The following TMEM18 variants were observed in gnomAD, a reference collection of about 807,000 sequenced individuals.
TMEM18 encodes transmembrane protein 18.
Under a neutral mutation model 17.4 loss-of-function variants are expected in TMEM18, and 14 were observed. The ratio of observed to expected loss-of-function variants is 0.80; its 90% CI spans 0.53 to 1.25. The LOEUF (loss-of-function observed/expected upper bound fraction) is 1.25, where lower values mean the gene tolerates loss of function less well. Ranked by LOEUF, TMEM18 falls within the 50% of genes most tolerant of loss-of-function variation. The pLI is 0.00. For missense variants in TMEM18, 187 were observed against 172.1 expected (o/e 1.09, Z -0.48); for synonymous variants, 86 against 66.1 (o/e 1.30, Z -1.46).
intron 3 of TMEM18, chr2:670,055 T>C: frequency 5.4e-6 from 3 of 551,904 alleles, no homozygotes; most frequent in East Asian, 3.1e-5. Flanking sequence ...GAAAACACAC[T>C]GGGTCACAGG....
Position 676,520 on chromosome 2 carries a change from A to G in TMEM18, c.57+769T>C, listed in dbSNP as rs1448749523. 6 of 1,542,136 alleles carry G rather than the reference A, an allele frequency of 3.9e-6. No individual in the cohort carries two copies. The African/African-American group carries it at 6.9e-5, about 18-fold the overall frequency. ...CTGGGGACCGCAGCGGCTTCTCCAG[A>G]GCCGCGCCATGACATAAGGACACAA... On this transcript the variant is annotated intron_variant, in intron 1 of 4. Coordinates refer to ENST00000281017, the MANE Select transcript of TMEM18 (RefSeq NM_152834.4).
chr2:673,408 C>T (rs1191193835), intron 2 of TMEM18, among the ~76,000 whole-genome samples: 2 of 152,126 alleles, frequency 1.3e-5, no homozygotes. Flanking sequence ...GCAAGGCCTC[C>T]ATGCTCCCAG....
chr2:675,757 C>A, intron 1 of TMEM18, 127 bp from the exon 2 acceptor site: 7 of 1,536,050 alleles, frequency 4.6e-6, no homozygotes, highest in Non-Finnish European at 6.1e-6. Context: ...GGGCTACTCA[C>A]CAAGTATCCA....
intron 1 of TMEM18, chr2:676,481 G>GTT: frequency 2.3e-6 from 2 of 853,226 alleles, no homozygotes; most frequent in East Asian, 3.8e-5. Flanking sequence ...GAACTCCTGT[G>GTT]TCACTACTCT....
rs1164223341 is a variant in TMEM18, at chr2:665,286, CAGATA to C, written c.*4289_*4293del. ...CAGAGATGCAGACACCCCACTCACT[CAGATA>C]GAGAATCAACCCCACATAAAATAGA... On this transcript the variant is annotated 3_prime_UTR_variant, in exon 5 of 5. Transcript: ENST00000281017. Among the ~76,000 whole-genome samples the C allele has an allele frequency of 4.6e-5, 7 of 151,772 alleles. No homozygotes were observed. The East Asian group carries it at 1.4e-3, about 30-fold the overall frequency.
chr2:673,611 A>G (rs1251793502), intron 2 of TMEM18, among the ~76,000 whole-genome samples: 8 of 152,210 alleles, frequency 5.3e-5, no homozygotes, highest in African/African-American at 9.7e-5. Flanking sequence ...TTCTTGATAC[A>G]CATCAGAAAG....
chr2:666,909 T>C lies in TMEM18; in HGVS notation c.*2671A>G, dbSNP rs887145429. On this transcript the variant is annotated 3_prime_UTR_variant, in exon 5 of 5. Transcript: ENST00000281017. Reference sequence around the variant, plus strand: ...AAGTTCTTTTCCAGGGAAAAGATGCTTGGGCCTGACCGGTATATCTCTGAC... The same window carrying C: ...AAGTTCTTTTCCAGGGAAAAGATGCCTGGGCCTGACCGGTATATCTCTGAC... 3.9e-5 allele frequency among the ~76,000 whole-genome samples: 6 copies of C among 152,258 alleles called. No individual in the cohort carries two copies. The highest frequency in any genetic ancestry group is 1.3e-4 in the Admixed American group (2 of 15,296).
rs966076282 is a variant in TMEM18, at chr2:675,604, G to T, written c.84C>A (p.Leu28=). The part of the protein sequence containing the change: ...LTQTDWTEPW[L]MGLATFHALC... ...GCGCGTGGAAGGTGGCCAGCCCCAT[G>T]AGCCAGGGCTCAGTCCAGTCCGTCT... The change falls in exon 2 of 5, where the codon CTC becomes CTA. Residue 28 remains leucine, a synonymous_variant. Coordinates refer to ENST00000281017, the MANE Select transcript of TMEM18 (RefSeq NM_152834.4). The T allele has an allele frequency of 6.2e-7, 1 of 1,614,160 alleles. No individual in the cohort carries two copies. The highest frequency in any genetic ancestry group is 1.3e-5 in the African/African-American group (1 of 75,068).
At position 668,448 on chromosome 2, in the gene TMEM18, G is replaced by A. The variant is rs150576348; in HGVS notation, c.*1132C>T. 9.8e-4 allele frequency: 150 copies of A among 152,366 alleles called. No homozygotes were observed. Among genetic ancestry groups the A allele is most frequent in the African/African-American group, 3.5e-3 (145 of 41,588 alleles). 9.4% of individuals were successfully genotyped at this position (152,366 alleles called of 1,614,324 possible). On this transcript the variant is annotated 3_prime_UTR_variant, in exon 5 of 5. Coordinates refer to ENST00000281017, the MANE Select transcript of TMEM18 (RefSeq NM_152834.4). ...CCACTTCTCAGCCACAAAGGCCCGA[G>A]AGGGGCATGAACTTGGCTGGTGAGC... is the stretch of plus-strand genomic sequence containing the variant.
intron 2 of TMEM18, among the ~76,000 whole-genome samples, chr2:674,845 C>T (rs1179433860): frequency 2.0e-5 from 3 of 152,252 alleles, no homozygotes; most frequent in African/African-American, 4.8e-5. Context: ...CACACGTGTT[C>T]GTAACGCTCA....
intron 2 of TMEM18, among the ~76,000 whole-genome samples, chr2:675,309 C>G (rs940578877): frequency 1.3e-5 from 2 of 152,244 alleles, no homozygotes; most frequent in Admixed American, 6.5e-5. Flanking sequence ...TCAACAGATT[C>G]CTCTCAACTC....
At chr2:676,281 C>G (rs922702185) in intron 1 of TMEM18, 8 of 1,471,044 alleles carry the variant, frequency 5.4e-6, no homozygotes, top group African/African-American at 1.4e-5. Flanking sequence ...TAGCCAGGCT[C>G]AGATCCACTG....
chr2:676,757 A>AG lies in TMEM18; in HGVS notation c.57+531dup. On this transcript the variant is annotated intron_variant, in intron 1 of 4. Coordinates refer to ENST00000281017, the MANE Select transcript of TMEM18 (RefSeq NM_152834.4). ...TTCCTCCGTGCCACCCCACACGATC[A>AG]GGCTCCACCACGCACGCCCCGCCGC... The AG allele has an allele frequency of 1.7e-5, 17 of 987,324 alleles. 1 individual carries two copies. In the South Asian group the frequency reaches 2.7e-4, roughly 16 times the overall value. The allele number at this position is 987,324 out of a possible 1,614,324, so 61.2% of individuals were successfully genotyped here. A position where few individuals can be genotyped will look rare whatever the true frequency, so the allele number is the denominator to read the frequency against.
chr2:673,391 G>A (rs1678909926), intron 2 of TMEM18, among the ~76,000 whole-genome samples: 1 of 152,118 alleles, frequency 6.6e-6, no homozygotes, highest in Non-Finnish European at 1.5e-5. Flanking sequence ...CAGCTGGTGG[G>A]GGCAGGGCAA....
chr2:674,081 A>G (rs1678932095), intron 2 of TMEM18, among the ~76,000 whole-genome samples: 1 of 152,208 alleles, frequency 6.6e-6, no homozygotes, highest in Non-Finnish European at 1.5e-5. Context: ...TTTCATTTAT[A>G]AAAATGGGCA....
At position 676,432 on chromosome 2, in the gene TMEM18, CGCCCTGCCCTCCAAGCTGCAGCCCG is replaced by C. The variant is rs796916416; in HGVS notation, c.58-827_58-803del. ...CGCCCTGCCCTCCAAGCTGCAGCCC[CGCCCTGCCCTCCAAGCTGCAGCCCG>C]GCACAGCCCTCCAGAACTCCTGTGT... On this transcript the variant is annotated intron_variant, in intron 1 of 4. Coordinates refer to ENST00000281017, the MANE Select transcript of TMEM18 (RefSeq NM_152834.4). 1.5e-3 allele frequency: 1,995 copies of C among 1,320,618 alleles called. 25 individuals are homozygous for C. In the African/African-American group the frequency reaches 0.015, roughly 10 times the overall value. 81.8% of individuals were successfully genotyped at this position (1,320,618 alleles called of 1,614,324 possible). A position where few individuals can be genotyped will look rare whatever the true frequency, so the allele number is the denominator to read the frequency against.
intron 1 of TMEM18, chr2:676,334 T>G (rs1659211641): frequency 2.0e-6 from 3 of 1,467,428 alleles, no homozygotes; most frequent in Non-Finnish European, 2.7e-6. Flanking sequence ...ATCCCAGCAG[T>G]CCTCAACCCT....
intron 2 of TMEM18, 93 bp downstream of exon 2, chr2:675,417 A>G (rs930846641): frequency 6.4e-7 from 1 of 1,572,944 alleles, no homozygotes; most frequent in African/African-American, 1.3e-5. Flanking sequence ...GGTCTTGTAA[A>G]AATATGTATA....
intron 2 of TMEM18, among the ~76,000 whole-genome samples, chr2:673,753 G>A (rs1188963850): frequency 6.9e-6 from 1 of 145,522 alleles, no homozygotes; most frequent in Non-Finnish European, 1.5e-5. Flanking sequence ...GGAGGAGGAG[G>A]GGGAGGATGG....
Sources: gnomAD v4.1 joint callset for allele counts (sites outside exome capture counted in the v4.1 genomes callset) on GRCh38, gnomAD v4.1.1 for gene constraint, MANE v1.5 for transcripts, NCBI Gene and HGNC (gene_info 2026-07-23, HGNC 2026-07-21) for gene names.